Variants in PLEKHA6 observed in about 807,000 individuals in gnomAD.
PLEKHA6 encodes pleckstrin homology domain containing A6.
PLEKHA6 carries 60 observed loss-of-function variants against 116.7 expected under a neutral mutation model. The observed-to-expected ratio is 0.51, with a 90% CI of 0.42 to 0.64. The LOEUF (loss-of-function observed/expected upper bound fraction) is 0.64, where lower values mean the gene tolerates loss of function less well. Among genes scored for constraint, PLEKHA6 ranks in the 30% least tolerant of loss-of-function variants. PLEKHA6 has a pLI of 0.00. For missense variants in PLEKHA6, 1,338 were observed against 1,422.7 expected (o/e 0.94, Z 0.96); for synonymous variants, 489 against 556.1 (o/e 0.88, Z 1.70).
intron 1 of PLEKHA6, among the ~76,000 whole-genome samples, chr1:204,292,518 CA>C (rs1185562346): frequency 6.6e-6 from 1 of 151,964 alleles, no homozygotes; most frequent in African/African-American, 2.4e-5. Context: ...CTGTGTCCCT[CA>C]CCCTGGCTGA....
upstream of PLEKHA6, among the ~76,000 whole-genome samples, chr1:204,362,809 G>A (rs74345986): frequency 6.5e-3 from 991 of 152,288 alleles, 9 homozygotes; most frequent in African/African-American, 0.022. Context: ...AGCCTACTGA[G>A]TTGCTGGGAC....
intron 17 of PLEKHA6, among the ~76,000 whole-genome samples, chr1:204,231,747 T>A (rs187680965): frequency 9.8e-4 from 149 of 152,194 alleles, no homozygotes; most frequent in African/African-American, 3.4e-3. Flanking sequence ...TTTTAATTAT[T>A]ATTATTTGTA....
intron 1 of PLEKHA6, among the ~76,000 whole-genome samples, chr1:204,352,980 A>G (rs1006834057): frequency 2.0e-5 from 3 of 152,174 alleles, no homozygotes; most frequent in Non-Finnish European, 4.4e-5. Flanking sequence ...GTGAGGCCCC[A>G]TCTCAAAAAT....
chr1:204,237,393 G>A (rs1405841781), intron 17 of PLEKHA6, among the ~76,000 whole-genome samples: 2 of 152,168 alleles, frequency 1.3e-5, no homozygotes, highest in African/African-American at 4.8e-5. Context: ...CACATCCCTG[G>A]AGGGATTGCG....
chr1:204,267,730 T>C (rs1666987567), intron 4 of PLEKHA6, among the ~76,000 whole-genome samples, 183 bp from the exon 5 acceptor site: 1 of 152,174 alleles, frequency 6.6e-6, no homozygotes, highest in African/African-American at 2.4e-5. Context: ...ATTAGATTGT[T>C]GCCTGTGACC....
intron 2 of PLEKHA6, among the ~76,000 whole-genome samples, chr1:204,371,053 C>CA (rs34493461): frequency 0.06 from 3,955 of 66,048 alleles, 108 homozygotes; most frequent in African/African-American, 0.1. Context: ...GACTCTGCCT[C>CA]AAAAAAAAAA....
At position 204,266,232 on chromosome 1, in the gene PLEKHA6, G is replaced by A. The variant is rs545998194; in HGVS notation, c.281-1190C>T. Among the ~76,000 whole-genome samples, 20 of 152,294 alleles carry A rather than the reference G, an allele frequency of 1.3e-4. No homozygotes were observed. In the South Asian group the frequency reaches 4.1e-3, roughly 32 times the overall value. Reference sequence around the variant, plus strand: ...GGAGGCACTTGGGGTTGGACCCCAGGGCTGCCTTCAGGAGAGCTGAGGCTC... The same window carrying A: ...GGAGGCACTTGGGGTTGGACCCCAGAGCTGCCTTCAGGAGAGCTGAGGCTC... On this transcript the variant is annotated intron_variant, in intron 5 of 22. Transcript: ENST00000272203.
In PLEKHA6 at chr1:204,228,944, T is replaced by C. The variant is rs776629292; in HGVS notation, c.2744A>G (p.Asn915Ser). The C allele has an allele frequency of 3.7e-6, 6 of 1,614,100 alleles. No individual in the cohort carries two copies. Among genetic ancestry groups the C allele is most frequent in the Non-Finnish European group, 3.4e-6 (4 of 1,179,988 alleles). The change falls in exon 19 of 23, where the codon AAT (asparagine) becomes AGT (serine). Residue 915 changes from asparagine (N) to serine (S), a missense_variant. By Grantham distance (46) the Asn-to-Ser change is conservative. This residue lies in a region of PLEKHA6 where 1,136 missense variants were observed against 1,163.6 expected (regional missense o/e 0.98). Coordinates refer to ENST00000272203, the MANE Select transcript of PLEKHA6 (RefSeq NM_014935.5). This position sits in a 1 kb window ranked among gnomAD's most constrained non-coding sequence, Gnocchi z 4.0. ...CTTCCTGGCTCCACTCACCTCCTTA[T>C]TGATGTCCACGTCATAATGCTGGGG... ...LEPQHYDVDI[N>S]KELSTPDKVL...
rs1236446083 is a variant in PLEKHA6, at chr1:204,238,973, A to G, written c.2409+2402T>C. On this transcript the variant is annotated intron_variant, in intron 17 of 22. Transcript: ENST00000272203. The surrounding 1 kb of genome is among the most constrained non-coding windows in gnomAD (Gnocchi z 4.2). The stretch of plus-strand genomic sequence containing the variant: ...GGGCTGTAGCCAATGGTTTGGCTGG[A>G]TGGTCAGGGACTTTGAAGAAGTATG... Among the ~76,000 whole-genome samples the G allele has an allele frequency of 6.6e-6, 1 of 152,248 alleles. No homozygotes were observed. Among genetic ancestry groups the G allele is most frequent in the Non-Finnish European group, 1.5e-5 (1 of 68,032 alleles).
intron 1 of PLEKHA6, chr1:204,307,777 G>T: frequency 1.5e-6 from 1 of 688,316 alleles, no homozygotes; most frequent in Non-Finnish European, 1.8e-6. Flanking sequence ...GCGGAGCTGA[G>T]CCCAGAGGTG....
chr1:204,261,471 G>C lies in PLEKHA6; in HGVS notation c.382-23C>G. 6.3e-7 allele frequency: 1 copy of C among 1,590,862 alleles called. No individual in the cohort carries two copies. Among genetic ancestry groups the C allele is most frequent in the Non-Finnish European group, 8.6e-7 (1 of 1,167,000 alleles). On this transcript the variant is annotated intron_variant, in intron 6 of 22. Coordinates refer to ENST00000272203, the MANE Select transcript of PLEKHA6 (RefSeq NM_014935.5). This position sits in a 1 kb window ranked among gnomAD's most constrained non-coding sequence, Gnocchi z 4.0. ...AGCCTGTGGGGAGAGGCAGCGTGTG[G>C]AGCTGGCCTCGGCCTCATCCACCCA...
At chr1:204,301,414 C>T (rs934337028) in intron 1 of PLEKHA6, 61 of 985,186 alleles carry the variant, frequency 6.2e-5, no homozygotes, top group Non-Finnish European at 6.6e-5. Flanking sequence ...TGCATTTCTA[C>T]GCTGAATAGA....
chr1:204,305,807 A>T (rs1026705424), intron 1 of PLEKHA6, among the ~76,000 whole-genome samples: 1 of 152,206 alleles, frequency 6.6e-6, no homozygotes, highest in African/African-American at 2.4e-5. Context: ...ACAACCTATT[A>T]ATTGTATTGC....
chr1:204,363,866 G>A (rs1673605240), upstream of PLEKHA6, among the ~76,000 whole-genome samples: 1 of 152,026 alleles, frequency 6.6e-6, no homozygotes, highest in African/African-American at 2.4e-5. Flanking sequence ...TGCGGTAAGT[G>A]CATACAGGCT....
In PLEKHA6 at chr1:204,249,198, G is replaced by T. The variant is rs745939281; in HGVS notation, c.1660C>A (p.Leu554Ile). 3.1e-6 allele frequency: 5 copies of T among 1,612,576 alleles called. No individual in the cohort carries two copies. Among genetic ancestry groups the T allele is most frequent in the Non-Finnish European group, 4.2e-6 (5 of 1,179,092 alleles). The change falls in exon 11 of 23, where the codon CTC (leucine) becomes ATC (isoleucine). Residue 554 changes from leucine (L) to isoleucine (I), a missense_variant. This residue lies in a region of PLEKHA6 where 1,136 missense variants were observed against 1,163.6 expected (regional missense o/e 0.98). Transcript: ENST00000272203. ...CAGCTTCTCACCTTCTCAGCTCGGA[G>T]CTGCTGCACCAGCCGGTCCTGCTCC... ...VREQDRLVQQ[L>I]RAEKESLESA... is the part of the protein sequence containing the mutation.
At chr1:204,371,138 CA>C in intron 2 of PLEKHA6, among the ~76,000 whole-genome samples, 1 of 151,612 alleles carries the variant, frequency 6.6e-6, no homozygotes, top group Non-Finnish European at 1.5e-5. Context: ...TGGCTCATGG[CA>C]ATTGTATTGG....
chr1:204,291,552 G>A (rs563331987), intron 1 of PLEKHA6, among the ~76,000 whole-genome samples: 8 of 152,276 alleles, frequency 5.3e-5, no homozygotes, highest in African/African-American at 9.6e-5. Context: ...TGGGTACAAC[G>A]TATGTGTTAC....
At chr1:204,334,668 G>A (rs1672578347) in intron 1 of PLEKHA6, among the ~76,000 whole-genome samples, 1 of 152,132 alleles carries the variant, frequency 6.6e-6, no homozygotes, top group Non-Finnish European at 1.5e-5. Flanking sequence ...GGAGGTCAGG[G>A]TGGGTGGATC....
In PLEKHA6 at chr1:204,219,260, T is replaced by A. The variant is rs568050590; in HGVS notation, c.*3528A>T. The A allele has an allele frequency of 1.7e-4, 26 of 150,062 alleles. 1 individual carries two copies. The South Asian group carries it at 2.7e-3, about 16-fold the overall frequency. 9.3% of individuals were successfully genotyped at this position (150,062 alleles called of 1,614,324 possible). ...GTGTGTGTATATATATATATATATATAATGTGTGTGTATATCATATTTTTT... is the reference window on the plus strand; with the variant it reads ...GTGTGTGTATATATATATATATATAAAATGTGTGTGTATATCATATTTTTT... On this transcript the variant is annotated 3_prime_UTR_variant, in exon 23 of 23. Transcript: ENST00000272203.
Sources: gnomAD v4.1 joint callset for allele counts (sites outside exome capture counted in the v4.1 genomes callset) on GRCh38, gnomAD v4.1.1 for gene constraint, gnomAD v4.1.1 regional missense constraint, Gnocchi (gnomAD v3.1) non-coding constraint, MANE v1.5 for transcripts, NCBI Gene and HGNC (gene_info 2026-07-23, HGNC 2026-07-21) for gene names.